The following C12orf42 variants were observed in gnomAD, a reference collection of about 807,000 sequenced individuals.
The protein encoded by C12orf42 is chromosome 12 open reading frame 42, also known as uncharacterized protein C12orf42.
C12orf42 carries 25 observed loss-of-function variants against 21.6 expected under a neutral mutation model. The observed-to-expected ratio is 1.16, with a 90% CI of 0.84 to 1.62. The LOEUF is 1.62. C12orf42 is among the 40% of genes most tolerant of loss of function. The pLI, the probability that C12orf42 is intolerant of heterozygous loss-of-function variation, is 0.00. For synonymous variants in C12orf42, 174 were observed against 175.0 expected (o/e 0.99, Z 0.05); for missense variants, 483 against 459.3 (o/e 1.05, Z -0.47).
intron 2 of C12orf42, among the ~76,000 whole-genome samples, chr12:103,415,966 A>C (rs1463547962): frequency 6.6e-6 from 1 of 151,320 alleles, no homozygotes; most frequent in Non-Finnish European, 1.5e-5. Context: ...AGGTTTCCTC[A>C]TTCTTTTCAG....
the C12orf42 span, among the ~76,000 whole-genome samples, chr12:103,091,636 A>G: frequency 6.6e-6 from 1 of 152,232 alleles, no homozygotes; most frequent in East Asian, 1.9e-4. Flanking sequence ...TGTCAGCCAC[A>G]TGTACTATGA....
chr12:103,221,770 G>A, the C12orf42 span, among the ~76,000 whole-genome samples: 4 of 152,122 alleles, frequency 2.6e-5, no homozygotes, highest in African/African-American at 9.7e-5. Context: ...ATAACGTGAG[G>A]AGAGTTCTTT....
intron 10 of C12orf42, among the ~76,000 whole-genome samples, chr12:103,259,403 C>T (rs1204553776): frequency 1.3e-5 from 2 of 152,120 alleles, no homozygotes; most frequent in African/African-American, 4.8e-5. Flanking sequence ...CTCAGCCTCC[C>T]GAGTAGCTGG....
At position 103,302,170 on chromosome 12, in the gene C12orf42, G is replaced by T. The variant is rs1445378064; in HGVS notation, c.1021C>A (p.Arg341Ser). The T allele has an allele frequency of 6.2e-7, 1 of 1,613,040 alleles. No homozygotes were observed. Among genetic ancestry groups the T allele is most frequent in the East Asian group, 2.2e-5 (1 of 44,866 alleles). The change falls in exon 6 of 6, where the codon CGT becomes AGT. Residue 341 changes from arginine (R) to serine (S), a missense_variant. Transcript: ENST00000548883. ...CSSAPPRPTR[R>S]FHTVCSQALS... ...GCCTGTGAACAAACCGTATGGAAAC[G>T]CCGGGTTGGGCGGGGGGGTGCTGAG... is the stretch of plus-strand genomic sequence containing the variant.
intron 4 of C12orf42, among the ~76,000 whole-genome samples, chr12:103,315,305 G>A (rs928989070): frequency 1.3e-5 from 2 of 152,062 alleles, no homozygotes; most frequent in Admixed American, 6.5e-5. Flanking sequence ...AAATAAATAC[G>A]ATCAATATGT....
the C12orf42 span, among the ~76,000 whole-genome samples, chr12:103,114,398 G>A: frequency 6.6e-6 from 1 of 152,118 alleles, no homozygotes; most frequent in Non-Finnish European, 1.5e-5. Flanking sequence ...TCAAGATGTG[G>A]TCCCTGGAGC....
At chr12:103,519,512 G>A in the C12orf42 span, among the ~76,000 whole-genome samples, 1 of 152,010 alleles carries the variant, frequency 6.6e-6, no homozygotes, top group African/African-American at 2.4e-5. Context: ...TAACCCTCTA[G>A]GTCTATTTCC....
intron 4 of C12orf42, among the ~76,000 whole-genome samples, chr12:103,281,315 C>T (rs929602141): frequency 6.6e-6 from 1 of 152,142 alleles, no homozygotes; most frequent in Non-Finnish European, 1.5e-5. Flanking sequence ...TAAGCATAAA[C>T]ATGGGAATTA....
intron 4 of C12orf42, among the ~76,000 whole-genome samples, chr12:103,334,903 ATACAT>A (rs1423252242): frequency 6.6e-6 from 1 of 152,216 alleles, no homozygotes; most frequent in Non-Finnish European, 1.5e-5. Flanking sequence ...TTGAATGCCT[ATACAT>A]TAACAAAAGT....
At chr12:103,088,864 G>T in the C12orf42 span, among the ~76,000 whole-genome samples, 1 of 152,120 alleles carries the variant, frequency 6.6e-6, no homozygotes, top group Non-Finnish European at 1.5e-5. Flanking sequence ...AGCACTTTGG[G>T]AGGCCGAGGA....
At chr12:103,317,508 A>T (rs189218796) in intron 4 of C12orf42, among the ~76,000 whole-genome samples, 130 of 152,320 alleles carry the variant, frequency 8.5e-4, no homozygotes, top group African/African-American at 2.9e-3. Flanking sequence ...TCTGGGCTAG[A>T]CTACAAATTG....
chr12:103,457,579 T>C (rs1952391586), intron 2 of C12orf42, among the ~76,000 whole-genome samples: 2 of 152,150 alleles, frequency 1.3e-5, no homozygotes, highest in Non-Finnish European at 1.5e-5. Context: ...GGGATCTACA[T>C]GTGTCTGTTT....
Position 103,428,351 on chromosome 12 carries a change from G to A in C12orf42, c.79-26676C>T, listed in dbSNP as rs538804860. On this transcript the variant is annotated intron_variant, in intron 2 of 5. Transcript: ENST00000548883. ...AATACTATAAACAACTCTATGCAAA[G>A]AAACTAGAAAATCTAGAAGAAATGG... is the stretch of plus-strand genomic sequence containing the variant. 2.0e-5 allele frequency among the ~76,000 whole-genome samples: 3 copies of A among 152,182 alleles called. No individual in the cohort carries two copies. The East Asian group carries it at 5.8e-4, about 29-fold the overall frequency.
rs900116578 is a variant in C12orf42, at chr12:103,252,548, T to G, written c.*1366+10778A>C. On this transcript the variant is annotated intron_variant and NMD_transcript_variant, in intron 10 of 10. Coordinates refer to the C12orf42 transcript ENST00000547347. ...TTTGCATGTTGCTAATGACCAGTGATGATGAGCTGTTTTTCATATGTTTGT... is the reference window on the plus strand; with the variant it reads ...TTTGCATGTTGCTAATGACCAGTGAGGATGAGCTGTTTTTCATATGTTTGT... Among the ~76,000 whole-genome samples, 6 of 152,336 alleles carry G rather than the reference T, an allele frequency of 3.9e-5. 1 individual carries two copies. The South Asian group carries it at 1.2e-3, about 32-fold the overall frequency.
intron 3 of C12orf42, 120 bp downstream of exon 3, chr12:103,401,487 A>T: frequency 1.3e-6 from 1 of 787,410 alleles, no homozygotes; most frequent in Non-Finnish European, 2.1e-6. Context: ...AATGTAAAAA[A>T]TCCTTTACTA....
At chr12:103,283,348 G>A (rs183869303) in intron 4 of C12orf42, among the ~76,000 whole-genome samples, 1 of 152,296 alleles carries the variant, frequency 6.6e-6, no homozygotes, top group Admixed American at 6.5e-5. Context: ...TGCATGGCCT[G>A]TAGGCTGACT....
chr12:103,100,500 T>A, the C12orf42 span, among the ~76,000 whole-genome samples: 1 of 152,232 alleles, frequency 6.6e-6, no homozygotes, highest in South Asian at 2.1e-4. Flanking sequence ...ACTCCTGATG[T>A]GTTTCCTCAC....
intron 4 of C12orf42, among the ~76,000 whole-genome samples, chr12:103,346,944 A>G (rs984272743): frequency 1.3e-5 from 2 of 152,220 alleles, no homozygotes; most frequent in African/African-American, 4.8e-5. Context: ...CTCATTGTTA[A>G]TAAAGAAATT....
the C12orf42 span, among the ~76,000 whole-genome samples, chr12:103,524,741 G>A: frequency 4.9e-3 from 746 of 152,250 alleles, 14 homozygotes; most frequent in East Asian, 0.092. Context: ...GTTTTCTGAG[G>A]TCCATCAACA....
Sources: allele counts gnomAD v4.1 joint callset (sites outside exome capture counted in the v4.1 genomes callset), GRCh38; gene constraint gnomAD v4.1.1; transcripts MANE v1.5; gene names NCBI Gene and HGNC (gene_info 2026-07-23, HGNC 2026-07-21).